The following CNTNAP5 variants were observed in gnomAD, a reference collection of about 807,000 sequenced individuals.
CNTNAP5 encodes contactin-associated protein-like 5.
A neutral mutation model predicts 150.2 loss-of-function variants in CNTNAP5; 72 were observed. That is an observed-to-expected ratio of 0.48 (90% confidence interval 0.40 to 0.58). The LOEUF (loss-of-function observed/expected upper bound fraction) is 0.58. Among genes scored for constraint, CNTNAP5 ranks in the 20% least tolerant of loss-of-function variants. The pLI is 0.00. For missense variants in CNTNAP5, 1,636 were observed against 1,626.2 expected (o/e 1.01, Z -0.10); for synonymous variants, 672 against 619.8 (o/e 1.08, Z -1.25).
intron 13 of CNTNAP5, among the ~76,000 whole-genome samples, chr2:124,683,389 G>A (rs990062198): frequency 6.6e-6 from 1 of 152,158 alleles, no homozygotes; most frequent in Non-Finnish European, 1.5e-5. Flanking sequence ...TATTAAAACA[G>A]TTTTTATTTC....
chr2:124,313,224 A>G (rs1171527404), intron 3 of CNTNAP5, among the ~76,000 whole-genome samples: 1 of 152,228 alleles, frequency 6.6e-6, no homozygotes, highest in Non-Finnish European at 1.5e-5. Flanking sequence ...CTCGATTATT[A>G]TACGATTAAT....
chr2:124,416,212 T>C (rs2104775730), intron 3 of CNTNAP5, among the ~76,000 whole-genome samples: 2 of 152,108 alleles, frequency 1.3e-5, no homozygotes, highest in Middle Eastern at 6.8e-3. Context: ...AGAGTTGGAG[T>C]GAGGAGGGGA....
rs143808457 is a variant in CNTNAP5, at chr2:124,434,919, G to A, written c.733+232G>A. Among the ~76,000 whole-genome samples, 175 of 152,300 alleles carry A rather than the reference G, an allele frequency of 1.1e-3. 1 individual carries two copies. Among genetic ancestry groups the A allele is most frequent in the South Asian group, 8.5e-3 (41 of 4,816 alleles). On this transcript the variant is annotated intron_variant, in intron 5 of 23. Transcript: ENST00000682447. Reference sequence around the variant, plus strand: ...GTTATGTATTTATTGACCTAACTACGTATTTATCCATTTAGTTTTCTTAGT... The same window carrying A: ...GTTATGTATTTATTGACCTAACTACATATTTATCCATTTAGTTTTCTTAGT...
At chr2:124,133,679 TC>T (rs1202129667) in intron 1 of CNTNAP5, among the ~76,000 whole-genome samples, 1 of 152,028 alleles carries the variant, frequency 6.6e-6, no homozygotes, top group Non-Finnish European at 1.5e-5. Context: ...GTGCTTTTTT[TC>T]CCTCTGCAGT....
intron 4 of CNTNAP5, among the ~76,000 whole-genome samples, chr2:124,428,207 C>G (rs976742204): frequency 6.6e-6 from 1 of 152,294 alleles, no homozygotes; most frequent in African/African-American, 2.4e-5. Flanking sequence ...ACCAGCCTGA[C>G]TGCCTCTTAT....
chr2:124,271,708 CT>C lies in CNTNAP5; in HGVS notation c.381+29316del, dbSNP rs553430438. 8.8e-3 allele frequency among the ~76,000 whole-genome samples: 1,230 copies of C among 139,898 alleles called. 8 individuals carry two copies. The highest frequency in any genetic ancestry group is 0.014 in the Non-Finnish European group (876 of 61,828). The allele number at this position is 139,898 out of a possible 152,430, so 91.8% of individuals were successfully genotyped here. A position where few individuals can be genotyped will look rare whatever the true frequency, so the allele number is the denominator to read the frequency against. ...ATCTATCTATCTATCTATCATCTATCTATCTATCTATCTATCTATTTATTGA... is the reference window on the plus strand; with the variant it reads ...ATCTATCTATCTATCTATCATCTATCATCTATCTATCTATCTATTTATTGA... On this transcript the variant is annotated intron_variant, in intron 3 of 23. Coordinates refer to ENST00000682447, the MANE Select transcript of CNTNAP5 (RefSeq NM_001367498.1).
intron 3 of CNTNAP5, among the ~76,000 whole-genome samples, chr2:124,270,620 G>C (rs17665782): frequency 0.076 from 11,566 of 152,224 alleles, 598 homozygotes; most frequent in Non-Finnish European, 0.12. Flanking sequence ...TTAAGGAGGA[G>C]AGTGAGAATG....
At chr2:124,271,662 T>A (rs924749509) in intron 3 of CNTNAP5, among the ~76,000 whole-genome samples, 2 of 122,118 alleles carry the variant, frequency 1.6e-5, no homozygotes, top group African/African-American at 3.6e-5. Flanking sequence ...TTTTTTAATC[T>A]ATCTATCTAT....
At chr2:124,542,393 G>C (rs573297018) in intron 10 of CNTNAP5, among the ~76,000 whole-genome samples, 1 of 151,586 alleles carries the variant, frequency 6.6e-6, no homozygotes, top group Admixed American at 6.6e-5. Context: ...ACAAAGGGAA[G>C]TTAATGGCAC....
intron 19 of CNTNAP5, among the ~76,000 whole-genome samples, chr2:124,846,872 G>A (rs1157737881): frequency 6.6e-6 from 1 of 152,162 alleles, no homozygotes; most frequent in African/African-American, 2.4e-5. Flanking sequence ...TAGAGCTACT[G>A]GGCTCTGCAT....
In CNTNAP5 at chr2:124,118,075, AT is replaced by A. The variant is rs901389893; in HGVS notation, c.82+92352del. ...AAGCTTGCAAACCATTGGTCTAGGT[AT>A]TTTTTTTTAAATGACACTATTCTTT... On this transcript the variant is annotated intron_variant, in intron 1 of 23. Coordinates refer to ENST00000682447, the MANE Select transcript of CNTNAP5 (RefSeq NM_001367498.1). Among the ~76,000 whole-genome samples the A allele has an allele frequency of 1.5e-4, 23 of 151,612 alleles. No homozygotes were observed. The East Asian group carries it at 1.5e-3, about 10-fold the overall frequency.
chr2:124,208,761 A>G (rs766710779), intron 1 of CNTNAP5, among the ~76,000 whole-genome samples: 2 of 152,214 alleles, frequency 1.3e-5, no homozygotes, highest in Non-Finnish European at 1.5e-5. Flanking sequence ...ACTGAAAACT[A>G]AAAACATTCT....
chr2:124,757,074 C>T (rs1680855871), intron 14 of CNTNAP5, among the ~76,000 whole-genome samples: 1 of 152,118 alleles, frequency 6.6e-6, no homozygotes, highest in Admixed American at 6.6e-5. Flanking sequence ...AAGGAAATAG[C>T]ACTGAGGTTC....
At chr2:124,481,143 CCT>C (rs1693755745) in intron 7 of CNTNAP5, among the ~76,000 whole-genome samples, 1 of 152,140 alleles carries the variant, frequency 6.6e-6, no homozygotes, top group South Asian at 2.1e-4. Context: ...AGGTTTTAGA[CCT>C]CACAGTTCTC....
At chr2:124,429,180 T>A (rs939547244) in intron 4 of CNTNAP5, among the ~76,000 whole-genome samples, 1 of 152,244 alleles carries the variant, frequency 6.6e-6, no homozygotes, top group African/African-American at 2.4e-5. Context: ...TTTATTATTA[T>A]CATTTTAAAT....
chr2:124,790,517 C>G (rs890642271), intron 18 of CNTNAP5, among the ~76,000 whole-genome samples: 16 of 152,134 alleles, frequency 1.1e-4, no homozygotes, highest in African/African-American at 3.6e-4. Context: ...CCTGGGGGAG[C>G]CTTAGAGATA....
intron 13 of CNTNAP5, among the ~76,000 whole-genome samples, chr2:124,686,923 A>G (rs1030039683): frequency 2.6e-5 from 4 of 152,306 alleles, no homozygotes; most frequent in South Asian, 2.1e-4. Flanking sequence ...ACTGCCCAAT[A>G]GAACTTCCTG....
intron 1 of CNTNAP5, among the ~76,000 whole-genome samples, chr2:124,066,854 T>C (rs1338284522): frequency 6.6e-6 from 1 of 152,152 alleles, no homozygotes; most frequent in African/African-American, 2.4e-5. Context: ...TATCTATACA[T>C]GTCAACATAG....
chr2:124,098,395 G>T (rs970208820), intron 1 of CNTNAP5, among the ~76,000 whole-genome samples: 1 of 152,120 alleles, frequency 6.6e-6, no homozygotes, highest in Non-Finnish European at 1.5e-5. Context: ...GGTATAAGTA[G>T]ATCCATGCAG....
Sources: allele counts gnomAD v4.1 joint callset (sites outside exome capture counted in the v4.1 genomes callset), GRCh38; gene constraint gnomAD v4.1.1; transcripts MANE v1.5; gene names NCBI Gene and HGNC (gene_info 2026-07-23, HGNC 2026-07-21).